The following MOB3B variants were observed in gnomAD, a reference collection of about 807,000 sequenced individuals.
The protein encoded by MOB3B is MOB kinase activator 3B, also known as MOB kinase activator-like 2B.
In MOB3B, 7 loss-of-function variants were observed where a neutral mutation model predicts 18.7. The ratio of observed to expected loss-of-function variants is 0.37; its 90% CI spans 0.21 to 0.70. The LOEUF is 0.70. MOB3B is among the 30% of genes least tolerant of loss of function. The pLI is 0.52. For synonymous variants in MOB3B, 111 were observed against 99.9 expected, an observed-to-expected ratio of 1.11 and a Z score of -0.66; for missense variants, 253 against 281.3, an observed-to-expected ratio of 0.90 and a Z score of 0.72.
intron 2 of MOB3B, among the ~76,000 whole-genome samples, chr9:27,385,677 T>C (rs146137918): frequency 3.9e-5 from 6 of 152,380 alleles, no homozygotes; most frequent in African/African-American, 1.2e-4. Context: ...ACGGGACTCT[T>C]ATTAATCATG....
intron 1 of MOB3B, among the ~76,000 whole-genome samples, chr9:27,493,073 T>G (rs1819844716): frequency 6.6e-6 from 1 of 152,172 alleles, no homozygotes; most frequent in Non-Finnish European, 1.5e-5. Context: ...ATCATTCCAG[T>G]ACACCTTGAT....
intron 3 of MOB3B, among the ~76,000 whole-genome samples, chr9:27,334,747 G>C (rs1354493658): frequency 6.6e-6 from 1 of 152,204 alleles, no homozygotes; most frequent in Admixed American, 6.5e-5. Context: ...CTCTGACTTA[G>C]GCAAGACTAC....
chr9:27,385,422 T>C (rs2131377658), intron 2 of MOB3B, among the ~76,000 whole-genome samples: 1 of 152,210 alleles, frequency 6.6e-6, no homozygotes, highest in East Asian at 1.9e-4. Context: ...TTTGAAACTG[T>C]ATTCTGGAGG....
At chr9:27,472,834 C>T (rs183291512) in intron 1 of MOB3B, among the ~76,000 whole-genome samples, 70 of 152,102 alleles carry the variant, frequency 4.6e-4, no homozygotes, top group African/African-American at 1.6e-3. Context: ...CTTTAGTCAA[C>T]AAAAAAATTG....
intron 1 of MOB3B, among the ~76,000 whole-genome samples, chr9:27,469,476 C>T (rs1200766240): frequency 6.6e-6 from 1 of 152,114 alleles, no homozygotes; most frequent in South Asian, 2.1e-4. Context: ...TAATTTTCCT[C>T]GAACTTTGAT....
intron 3 of MOB3B, among the ~76,000 whole-genome samples, chr9:27,355,598 T>G (rs1446611863): frequency 6.6e-6 from 1 of 151,360 alleles, no homozygotes; most frequent in East Asian, 1.9e-4. Flanking sequence ...CTCGCTCTTT[T>G]GCCCAGGCCG....
chr9:27,465,638 C>T (rs1407170636), intron 1 of MOB3B, among the ~76,000 whole-genome samples: 1 of 152,196 alleles, frequency 6.6e-6, no homozygotes, highest in African/African-American at 2.4e-5. Flanking sequence ...CATGAGGGTC[C>T]CGCCCCTGCA....
Position 27,325,851 on chromosome 9 carries a change from T to A in MOB3B, c.*4736A>T, listed in dbSNP as rs1820702714. 1 of 152,198 alleles carries A rather than the reference T, an allele frequency of 6.6e-6. No homozygotes were observed. Among genetic ancestry groups the A allele is most frequent in the African/African-American group, 2.4e-5 (1 of 41,442 alleles). The allele number at this position is 152,198 out of a possible 1,614,324, so 9.4% of individuals were successfully genotyped here. A position where few individuals can be genotyped will look rare whatever the true frequency, so the allele number is the denominator to read the frequency against. The stretch of plus-strand genomic sequence containing the variant: ...ATGGAGTATGGAAGGGACATAAGGT[T>A]TAGAGAACATAGGAAGCAATTTGCT... On this transcript the variant is annotated 3_prime_UTR_variant, in exon 4 of 4. Transcript: ENST00000262244.
At chr9:27,363,693 A>G (rs1430585728) in intron 2 of MOB3B, among the ~76,000 whole-genome samples, 1 of 151,946 alleles carries the variant, frequency 6.6e-6, no homozygotes, top group Non-Finnish European at 1.5e-5. Flanking sequence ...AGCATCCTAT[A>G]GGTTCTATGG....
chr9:27,341,669 A>G (rs1316002022), intron 3 of MOB3B, among the ~76,000 whole-genome samples: 4 of 152,230 alleles, frequency 2.6e-5, no homozygotes, highest in East Asian at 1.9e-4. Flanking sequence ...TGAGAGCCTC[A>G]GGAGCTGGTC....
At chr9:27,361,503 T>C (rs1821274009) in intron 2 of MOB3B, among the ~76,000 whole-genome samples, 1 of 152,188 alleles carries the variant, frequency 6.6e-6, no homozygotes, top group South Asian at 2.1e-4. Context: ...TAACATACTC[T>C]GCTGCCTTCA....
At chr9:27,502,694 A>G (rs775650592) in intron 1 of MOB3B, among the ~76,000 whole-genome samples, 3 of 152,210 alleles carry the variant, frequency 2.0e-5, no homozygotes, top group Admixed American at 6.5e-5. Context: ...CCAGGCAGCC[A>G]CTACTGAAGG....
At chr9:27,526,095 T>C (rs1372723027) in intron 1 of MOB3B, 1 of 152,228 alleles carries the variant, frequency 6.6e-6, no homozygotes, top group Non-Finnish European at 1.5e-5. Flanking sequence ...ATGTACCTGG[T>C]TCTGCCCTTG....
intron 2 of MOB3B, among the ~76,000 whole-genome samples, chr9:27,367,720 G>A (rs1415800047): frequency 6.6e-6 from 1 of 152,166 alleles, no homozygotes; most frequent in Non-Finnish European, 1.5e-5. Flanking sequence ...CCAAGACAGG[G>A]GTGGCAGGAG....
intron 1 of MOB3B, among the ~76,000 whole-genome samples, chr9:27,521,688 ATG>A (rs112921711): frequency 0.028 from 4,121 of 149,508 alleles, 93 homozygotes; most frequent in African/African-American, 0.056. Flanking sequence ...ACTTTATAGA[ATG>A]TGTGTGTGTG....
intron 2 of MOB3B, among the ~76,000 whole-genome samples, chr9:27,369,299 C>T (rs1278111862): frequency 6.6e-6 from 1 of 152,056 alleles, no homozygotes; most frequent in Admixed American, 6.5e-5. Context: ...TTCTTTATTC[C>T]CCAGTAGAAT....
chr9:27,357,500 A>T (rs554400825), intron 3 of MOB3B, among the ~76,000 whole-genome samples: 2 of 151,884 alleles, frequency 1.3e-5, no homozygotes, highest in South Asian at 4.2e-4. Context: ...GATAACTAGG[A>T]ATAACCCCTA....
chr9:27,421,909 T>G (rs1822258246), intron 2 of MOB3B, among the ~76,000 whole-genome samples: 1 of 152,132 alleles, frequency 6.6e-6, no homozygotes, highest in Admixed American at 6.5e-5. Context: ...TTCATAGCAC[T>G]TATCACCACC....
chr9:27,456,995 T>A (rs1272060559), intron 1 of MOB3B, among the ~76,000 whole-genome samples: 1 of 152,224 alleles, frequency 6.6e-6, no homozygotes, highest in Non-Finnish European at 1.5e-5. Context: ...AGATTTATAA[T>A]AGGTCTAATA....
Sources: gnomAD v4.1 joint callset for allele counts (sites outside exome capture counted in the v4.1 genomes callset) on GRCh38, gnomAD v4.1.1 for gene constraint, MANE v1.5 for transcripts, NCBI Gene and HGNC (gene_info 2026-07-23, HGNC 2026-07-21) for gene names.